The following ZRANB3 variants were observed in gnomAD, a reference collection of about 807,000 sequenced individuals.
ZRANB3 encodes DNA annealing helicase and endonuclease ZRANB3.
In ZRANB3, 125 loss-of-function variants were observed where a neutral mutation model predicts 133.8. The observed-to-expected ratio is 0.93, with a 90% CI of 0.81 to 1.08. The LOEUF is 1.08. Ranked by LOEUF, ZRANB3 falls within the 50% of genes least tolerant of loss-of-function variation. ZRANB3 has a pLI of 0.00. For missense variants in ZRANB3, 1,229 were observed against 1,275.5 expected (o/e 0.96, Z 0.56); for synonymous variants, 387 against 432.7 (o/e 0.89, Z 1.31).
chr2:135,356,767 G>T (rs574330369), intron 3 of ZRANB3, among the ~76,000 whole-genome samples: 20 of 152,236 alleles, frequency 1.3e-4, no homozygotes, highest in Admixed American at 2.0e-4. Context: ...GAGGGCAGTG[G>T]CGTAATCGTG....
chr2:135,218,372 C>T (rs1694398528), intron 16 of ZRANB3, among the ~76,000 whole-genome samples: 1 of 152,094 alleles, frequency 6.6e-6, no homozygotes, highest in Admixed American at 6.5e-5. Flanking sequence ...AGTAGGGTTA[C>T]CAGTCAAGTA....
Position 135,313,519 on chromosome 2 carries a change from A to G in ZRANB3, c.936T>C (p.Thr312=). The stretch of plus-strand genomic sequence containing the variant: ...CAATAGCAGTTTGTTTAAACATGCG[A>G]GTTATCAACCCCATGACTGTCTCCA... ...GAMETVMGLI[T]RMFKQTAIAK... Residue 312 remains threonine, a synonymous_variant, in exon 8 of 21, where the codon ACT becomes ACC. Coordinates refer to ENST00000264159, the MANE Select transcript of ZRANB3 (RefSeq NM_032143.4). The G allele has an allele frequency of 6.2e-7, 1 of 1,613,590 alleles. No homozygotes were observed. The highest frequency in any genetic ancestry group is 8.5e-7 in the Non-Finnish European group (1 of 1,179,676).
At chr2:135,401,548 G>C (rs991327838) in intron 2 of ZRANB3, among the ~76,000 whole-genome samples, 1 of 152,136 alleles carries the variant, frequency 6.6e-6, no homozygotes, top group African/African-American at 2.4e-5. Context: ...ACTAGCTGTG[G>C]TTATATGACA....
intron 3 of ZRANB3, among the ~76,000 whole-genome samples, chr2:135,383,360 T>C (rs28891818): frequency 0.015 from 2,342 of 152,076 alleles, 50 homozygotes; most frequent in African/African-American, 0.052. Context: ...ACCTTAGAGA[T>C]GTAAAATGAG....
At chr2:135,218,702 A>G (rs1322034259) in intron 16 of ZRANB3, among the ~76,000 whole-genome samples, 2 of 152,214 alleles carry the variant, frequency 1.3e-5, no homozygotes, top group African/African-American at 4.8e-5. Flanking sequence ...GAATCACCCA[A>G]TAAGGTATTA....
chr2:135,234,119 A>G (rs2105073239), intron 12 of ZRANB3, among the ~76,000 whole-genome samples: 1 of 152,302 alleles, frequency 6.6e-6, no homozygotes, highest in Admixed American at 6.5e-5. Context: ...CAAATGGAAA[A>G]CAAAAAAAGG....
intron 2 of ZRANB3, among the ~76,000 whole-genome samples, chr2:135,426,850 AAAAAAAAAAAAAAATATAT>A: frequency 1.7e-5 from 1 of 59,480 alleles, no homozygotes; most frequent in African/African-American, 9.2e-5. Flanking sequence ...AAAAAAAAAA[AAAAAAAAAAAAAAATATAT>A]ATATATATAT....
chr2:135,480,716 A>G, intron 2 of ZRANB3, among the ~76,000 whole-genome samples: 1 of 146,584 alleles, frequency 6.8e-6, no homozygotes. Flanking sequence ...TGCACCCACT[A>G]ACTCGTCATC....
At chr2:135,304,884 T>C (rs1682603788) in intron 8 of ZRANB3, among the ~76,000 whole-genome samples, 1 of 152,150 alleles carries the variant, frequency 6.6e-6, no homozygotes, top group African/African-American at 2.4e-5. Flanking sequence ...CTTTTTATTC[T>C]ATTTTACTGC....
At chr2:135,377,550 T>C (rs1686483083) in intron 3 of ZRANB3, among the ~76,000 whole-genome samples, 2 of 152,076 alleles carry the variant, frequency 1.3e-5, no homozygotes, top group Admixed American at 1.3e-4. Flanking sequence ...AATGAAGGGG[T>C]TATGTCAAAG....
intron 3 of ZRANB3, among the ~76,000 whole-genome samples, chr2:135,371,674 C>T (rs1424404311): frequency 6.6e-6 from 1 of 152,176 alleles, no homozygotes. Flanking sequence ...TGAGAAATGA[C>T]TTAAACTTAT....
chr2:135,353,113 T>C (rs1275066205), intron 4 of ZRANB3, among the ~76,000 whole-genome samples: 2 of 152,156 alleles, frequency 1.3e-5, no homozygotes, highest in African/African-American at 2.4e-5. Context: ...AAGCTTCAAG[T>C]CAATCAATGA....
At chr2:135,370,834 G>A (rs184174463) in intron 3 of ZRANB3, among the ~76,000 whole-genome samples, 2 of 152,312 alleles carry the variant, frequency 1.3e-5, no homozygotes, top group East Asian at 3.9e-4. Context: ...GGGACCAGGT[G>A]GAGGTAACTG....
At chr2:135,368,573 A>C (rs1325605649) in intron 3 of ZRANB3, among the ~76,000 whole-genome samples, 1 of 152,062 alleles carries the variant, frequency 6.6e-6, no homozygotes, top group East Asian at 1.9e-4. Context: ...ATAAAAAAGT[A>C]AGATAGCTGG....
intron 8 of ZRANB3, among the ~76,000 whole-genome samples, chr2:135,276,234 GTT>G (rs79341754): frequency 3.3e-4 from 42 of 128,808 alleles, no homozygotes; most frequent in Admixed American, 5.5e-4. Context: ...TTTAAGGAAA[GTT>G]TTTTTTTTTT....
intron 2 of ZRANB3, among the ~76,000 whole-genome samples, chr2:135,472,927 G>C (rs1166003490): frequency 6.6e-6 from 1 of 152,124 alleles, no homozygotes; most frequent in African/African-American, 2.4e-5. Flanking sequence ...AACACTTCTA[G>C]CATATAATAT....
At chr2:135,422,579 C>G (rs1035894977) in intron 2 of ZRANB3, among the ~76,000 whole-genome samples, 1 of 152,194 alleles carries the variant, frequency 6.6e-6, no homozygotes, top group Admixed American at 6.5e-5. Flanking sequence ...GAGATGAACA[C>G]TTGAAAAGCG....
intron 14 of ZRANB3, 114 bp downstream of exon 14, chr2:135,227,698 T>C: frequency 5.8e-6 from 6 of 1,037,492 alleles, no homozygotes; most frequent in East Asian, 2.6e-5. Flanking sequence ...ATTTTTAATA[T>C]AAAAGAGAGT....
intron 2 of ZRANB3, among the ~76,000 whole-genome samples, chr2:135,479,466 T>A (rs1011073892): frequency 2.6e-5 from 4 of 151,784 alleles, no homozygotes; most frequent in African/African-American, 9.7e-5. Context: ...GAAACCCCCA[T>A]CTCTACAAAA....
Sources: gnomAD v4.1 joint callset for allele counts (sites outside exome capture counted in the v4.1 genomes callset) on GRCh38, gnomAD v4.1.1 for gene constraint, MANE v1.5 for transcripts, NCBI Gene and HGNC (gene_info 2026-07-23, HGNC 2026-07-21) for gene names.